MYO16: variants seen among roughly 807,000 people sequenced by gnomAD.
The protein encoded by MYO16 is myosin XVI, also known as unconventional myosin-XVI.
MYO16 carries 94 observed loss-of-function variants against 205.3 expected under a neutral mutation model. The ratio of observed to expected loss-of-function variants is 0.46; its 90% CI spans 0.39 to 0.54. The LOEUF is 0.54. MYO16 is among the 20% of genes least tolerant of loss of function. The pLI, the probability that MYO16 is intolerant of heterozygous loss-of-function variation, is 0.00. For synonymous variants in MYO16, 988 were observed against 954.0 expected (o/e 1.04, Z -0.66); for missense variants, 2,315 against 2,387.5 (o/e 0.97, Z 0.63).
chr13:108,563,141 A>G, the MYO16 span, among the ~76,000 whole-genome samples: 1 of 152,222 alleles, frequency 6.6e-6, no homozygotes, highest in African/African-American at 2.4e-5. Flanking sequence ...GTTTTAAAAA[A>G]TCTTAATTTT....
chr13:108,771,295 A>T (rs1370737106), intron 4 of MYO16, among the ~76,000 whole-genome samples: 3 of 152,152 alleles, frequency 2.0e-5, no homozygotes, highest in East Asian at 1.9e-4. Flanking sequence ...CCACTCATAG[A>T]GCTTATTTTC....
intron 9 of MYO16, among the ~76,000 whole-genome samples, chr13:108,842,240 G>A (rs1877281024): frequency 6.6e-6 from 1 of 151,988 alleles, no homozygotes; most frequent in South Asian, 2.1e-4. Flanking sequence ...TAAGGCTTCT[G>A]CACAGCAAAG....
At chr13:108,578,704 A>C in the MYO16 span, among the ~76,000 whole-genome samples, 3 of 152,186 alleles carry the variant, frequency 2.0e-5, no homozygotes, top group South Asian at 6.2e-4. Context: ...GTTCAACTTC[A>C]GAATATGGGT....
At chr13:108,707,651 A>G (rs1370395497) in intron 2 of MYO16, among the ~76,000 whole-genome samples, 2 of 152,212 alleles carry the variant, frequency 1.3e-5, no homozygotes, top group Non-Finnish European at 2.9e-5. Context: ...CCAAAGTCTC[A>G]ATGGCAAATT....
chr13:108,620,631 G>T (rs895644496), intron 1 of MYO16, among the ~76,000 whole-genome samples: 2 of 152,174 alleles, frequency 1.3e-5, no homozygotes, highest in Non-Finnish European at 2.9e-5. Context: ...GTGGAAAGAA[G>T]GAAGCAGAGA....
At chr13:108,774,747 G>A (rs1366831394) in intron 4 of MYO16, among the ~76,000 whole-genome samples, 7 of 152,130 alleles carry the variant, frequency 4.6e-5, no homozygotes, top group Admixed American at 3.9e-4. Flanking sequence ...TATATATTAT[G>A]AAGATATTAC....
the MYO16 span, among the ~76,000 whole-genome samples, chr13:108,567,382 A>G: frequency 6.6e-6 from 1 of 152,180 alleles, no homozygotes; most frequent in Non-Finnish European, 1.5e-5. Context: ...ATCGAAGTTG[A>G]TAAGGGAGAA....
chr13:108,992,742 G>A (rs1884878201), intron 21 of MYO16, among the ~76,000 whole-genome samples: 1 of 152,126 alleles, frequency 6.6e-6, no homozygotes, highest in Admixed American at 6.6e-5. Flanking sequence ...TCAGAGAGAA[G>A]GGAGAACATG....
At chr13:108,869,359 G>C (rs1246356596) in intron 12 of MYO16, among the ~76,000 whole-genome samples, 1 of 152,026 alleles carries the variant, frequency 6.6e-6, no homozygotes, top group African/African-American at 2.4e-5. Context: ...TTTAAATGCT[G>C]TTATAAATAA....
At position 108,670,050 on chromosome 13, in the gene MYO16, G is replaced by A. The variant is rs117488321; in HGVS notation, c.292+3901G>A. On this transcript the variant is annotated intron_variant, in intron 2 of 34. Coordinates refer to ENST00000457511, the MANE Select transcript of MYO16 (RefSeq NM_001198950.3). Reference sequence around the variant, plus strand: ...GCATATGTATACCTATGTAACAAACGTGCACTTTCTGCACATGTATCCCAG... The same window carrying A: ...GCATATGTATACCTATGTAACAAACATGCACTTTCTGCACATGTATCCCAG... Among the ~76,000 whole-genome samples, 1,521 of 152,172 alleles carry A rather than the reference G, an allele frequency of 1.0e-2. 12 individuals carry two copies. The highest frequency in any genetic ancestry group is 0.015 in the Non-Finnish European group (1,039 of 68,016).
chr13:109,155,223 G>A (rs770121607), intron 32 of MYO16, among the ~76,000 whole-genome samples: 3 of 152,030 alleles, frequency 2.0e-5, no homozygotes, highest in Non-Finnish European at 4.4e-5. Flanking sequence ...CATCTCCTTC[G>A]ACTTGGCGGG....
chr13:108,654,720 A>G (rs1881163806), intron 1 of MYO16, among the ~76,000 whole-genome samples: 1 of 152,218 alleles, frequency 6.6e-6, no homozygotes, highest in African/African-American at 2.4e-5. Context: ...TTTGACAAAA[A>G]TGCTGATAGT....
chr13:108,972,351 C>CATCCATATATATATATAT (rs1406677239), intron 20 of MYO16, among the ~76,000 whole-genome samples: 1 of 17,446 alleles, frequency 5.7e-5, no homozygotes, highest in Non-Finnish European at 1.1e-4. Flanking sequence ...TATATATAGC[C>CATCCATATATATATATAT]ATATATATAT....
intron 27 of MYO16, among the ~76,000 whole-genome samples, chr13:109,072,101 T>C (rs9559484): frequency 0.58 from 88,840 of 151,984 alleles, 25,990 homozygotes; most frequent in Admixed American, 0.61. Context: ...TGATTGAAGG[T>C]TCATCTCAAA....
the MYO16 span, among the ~76,000 whole-genome samples, chr13:108,499,259 A>G: frequency 6.6e-6 from 1 of 152,256 alleles, no homozygotes; most frequent in Non-Finnish European, 1.5e-5. Flanking sequence ...CCTGAAAATG[A>G]GTAGTCATTC....
intron 32 of MYO16, among the ~76,000 whole-genome samples, chr13:109,154,911 GAAAA>G (rs59465499): frequency 8.4e-3 from 527 of 62,662 alleles, no homozygotes; most frequent in Non-Finnish European, 0.011. Flanking sequence ...GGCTAATTAT[GAAAA>G]AAAAAAAAAA....
At chr13:108,689,898 T>C (rs1055457665) in intron 2 of MYO16, among the ~76,000 whole-genome samples, 1 of 152,210 alleles carries the variant, frequency 6.6e-6, no homozygotes, top group Non-Finnish European at 1.5e-5. Flanking sequence ...TCTAACAATT[T>C]GTAGTGGGAA....
At position 109,207,855 on chromosome 13, in the gene MYO16, A is replaced by C. The variant is rs984379809; in HGVS notation, c.*1019A>C. ...TATATCCTCAACCCTCCCATAATGC[A>C]AGGCCTTGTTCATTGATGTGCTTTC... On this transcript the variant is annotated 3_prime_UTR_variant, in exon 35 of 35. Transcript: ENST00000457511. 1.2e-4 allele frequency: 18 copies of C among 152,326 alleles called. No individual in the cohort carries two copies. The highest frequency in any genetic ancestry group is 1.2e-3 in the Admixed American group (18 of 15,306). The allele number at this position is 152,326 out of a possible 1,614,324, so 9.4% of individuals were successfully genotyped here.
chr13:109,109,461 A>G (rs1889217390), intron 28 of MYO16, among the ~76,000 whole-genome samples: 1 of 152,154 alleles, frequency 6.6e-6, no homozygotes. Flanking sequence ...TTTATGCTTT[A>G]AATGTAAAAA....
Sources: allele counts gnomAD v4.1 joint callset (sites outside exome capture counted in the v4.1 genomes callset), GRCh38; gene constraint gnomAD v4.1.1; transcripts MANE v1.5; gene names NCBI Gene and HGNC (gene_info 2026-07-23, HGNC 2026-07-21).